The following FRMD3 variants were observed in gnomAD, a reference collection of about 807,000 sequenced individuals.
FRMD3 encodes the protein FERM domain containing 3.
A neutral mutation model predicts 70.2 loss-of-function variants in FRMD3; 33 were observed. That is an observed-to-expected ratio of 0.47 (90% confidence interval 0.36 to 0.63). The LOEUF (loss-of-function observed/expected upper bound fraction) is 0.63. Among genes scored for constraint, FRMD3 ranks in the 20% least tolerant of loss-of-function variants. FRMD3 has a pLI of 0.00. For missense variants in FRMD3, 632 were observed against 711.4 expected, an observed-to-expected ratio of 0.89 and a Z score of 1.27; for synonymous variants, 279 against 255.9, an observed-to-expected ratio of 1.09 and a Z score of -0.86.
chr9:83,385,074 T>C (rs1323312900), intron 2 of FRMD3, among the ~76,000 whole-genome samples: 1 of 151,990 alleles, frequency 6.6e-6, no homozygotes, highest in Non-Finnish European at 1.5e-5. Flanking sequence ...TCTAAAACCA[T>C]AGCTATGGAA....
At chr9:83,356,881 C>A (rs952702979) in intron 3 of FRMD3, among the ~76,000 whole-genome samples, 4 of 151,604 alleles carry the variant, frequency 2.6e-5, no homozygotes, top group African/African-American at 7.3e-5. Context: ...AGTCTGTTAT[C>A]CCTCACCACC....
At chr9:83,371,044 T>C (rs1209773817) in intron 3 of FRMD3, among the ~76,000 whole-genome samples, 1 of 152,252 alleles carries the variant, frequency 6.6e-6, no homozygotes, top group South Asian at 2.1e-4. Flanking sequence ...AGTATTGAAA[T>C]GCCTTCAAAG....
intron 6 of FRMD3, among the ~76,000 whole-genome samples, chr9:83,329,324 A>G (rs1014607464): frequency 6.6e-6 from 1 of 152,250 alleles, no homozygotes; most frequent in Non-Finnish European, 1.5e-5. Flanking sequence ...AAGGGAAATG[A>G]TACAGGGAGA....
intron 1 of FRMD3, among the ~76,000 whole-genome samples, chr9:83,516,107 T>C (rs1829449212): frequency 6.6e-6 from 1 of 152,124 alleles, no homozygotes; most frequent in South Asian, 2.1e-4. Context: ...AGGATCAAAT[T>C]CACACATAAC....
At chr9:83,401,165 G>A (rs533383157) in intron 1 of FRMD3, among the ~76,000 whole-genome samples, 5 of 152,266 alleles carry the variant, frequency 3.3e-5, no homozygotes, top group Admixed American at 1.3e-4. Flanking sequence ...AGCTAATTGC[G>A]TTCCCATTTT....
At chr9:83,471,655 A>T (rs1040040224) in intron 1 of FRMD3, among the ~76,000 whole-genome samples, 1 of 152,196 alleles carries the variant, frequency 6.6e-6, no homozygotes, top group African/African-American at 2.4e-5. Context: ...AATCATTGCA[A>T]ATTCACCTTG....
chr9:83,378,672 A>ATT (rs1825241743), intron 2 of FRMD3, among the ~76,000 whole-genome samples: 1 of 130,154 alleles, frequency 7.7e-6, no homozygotes, highest in South Asian at 2.2e-4. Context: ...TATAATTTAT[A>ATT]TTATATATAT....
the FRMD3 span, among the ~76,000 whole-genome samples, chr9:83,570,104 C>G: frequency 6.6e-6 from 1 of 152,172 alleles, no homozygotes; most frequent in African/African-American, 2.4e-5. Context: ...CTCCGCTTAC[C>G]TTCATTCACT....
At chr9:83,357,242 CATACATATATATAT>C (rs1251391460) in intron 3 of FRMD3, among the ~76,000 whole-genome samples, 369 of 13,248 alleles carry the variant, frequency 0.028, 23 homozygotes, top group Non-Finnish European at 0.033. Context: ...ATATATAATA[CATACATATATATAT>C]ATATATATAT....
chr9:83,485,804 A>G (rs973302185), intron 1 of FRMD3, among the ~76,000 whole-genome samples: 10 of 152,214 alleles, frequency 6.6e-5, no homozygotes, highest in Admixed American at 1.3e-4. Context: ...TCATTCACAT[A>G]CATATATGCA....
intron 6 of FRMD3, among the ~76,000 whole-genome samples, chr9:83,322,643 G>A (rs1031028720): frequency 6.6e-6 from 1 of 152,190 alleles, no homozygotes; most frequent in African/African-American, 2.4e-5. Flanking sequence ...TCTTTAGGCA[G>A]TTCCACATGT....
intron 1 of FRMD3, among the ~76,000 whole-genome samples, chr9:83,526,646 T>C (rs748427922): frequency 2.6e-5 from 4 of 152,202 alleles, no homozygotes; most frequent in Non-Finnish European, 5.9e-5. Context: ...CATCATTTCA[T>C]CCTCGCATCA....
At chr9:83,448,966 G>T (rs941088986) in intron 1 of FRMD3, among the ~76,000 whole-genome samples, 2 of 152,158 alleles carry the variant, frequency 1.3e-5, no homozygotes, top group Non-Finnish European at 2.9e-5. Context: ...GTAGCAAAAT[G>T]GGCCTTGGGG....
the FRMD3 span, among the ~76,000 whole-genome samples, chr9:83,557,100 A>T: frequency 6.6e-6 from 1 of 152,198 alleles, no homozygotes; most frequent in Non-Finnish European, 1.5e-5. Context: ...TATCAGATTC[A>T]TGAGACAGAC....
intron 2 of FRMD3, among the ~76,000 whole-genome samples, chr9:83,376,736 T>G (rs893615388): frequency 2.6e-5 from 4 of 151,824 alleles, no homozygotes; most frequent in African/African-American, 4.8e-5. Flanking sequence ...CCACCACACC[T>G]GGCTGTGCTA....
intron 1 of FRMD3, among the ~76,000 whole-genome samples, chr9:83,494,273 T>C (rs559552573): frequency 8.8e-4 from 134 of 152,344 alleles, no homozygotes; most frequent in African/African-American, 3.0e-3. Flanking sequence ...GTATAGTACT[T>C]TACAGTTACT....
intron 13 of FRMD3, among the ~76,000 whole-genome samples, chr9:83,279,726 C>T (rs1662889028): frequency 1.4e-5 from 2 of 145,856 alleles, no homozygotes; most frequent in Non-Finnish European, 3.0e-5. Flanking sequence ...AATGTTCTCA[C>T]TTGTAAGTGG....
At chr9:83,361,936 A>G (rs1824598537) in intron 3 of FRMD3, among the ~76,000 whole-genome samples, 1 of 152,164 alleles carries the variant, frequency 6.6e-6, no homozygotes, top group African/African-American at 2.4e-5. Context: ...CTTCGGAGGG[A>G]GCATGGCCCT....
chr9:83,245,066 C>T lies in FRMD3; in HGVS notation c.*2852G>A, dbSNP rs1832025771. ...ACCCTTTCAGGCTGTGGGTTTTACC[C>T]ACCATAGTATCTGAGAGGGAGAAGA... is the stretch of plus-strand genomic sequence containing the variant. On this transcript the variant is annotated 3_prime_UTR_variant, in exon 14 of 14. Coordinates refer to ENST00000304195, the MANE Select transcript of FRMD3 (RefSeq NM_174938.6). 2 of 985,194 alleles carry T rather than the reference C, an allele frequency of 2.0e-6. No homozygotes were observed. The highest frequency in any genetic ancestry group is 3.5e-5 in the African/African-American group (2 of 57,202). The allele number at this position is 985,194 out of a possible 1,614,324, so 61.0% of individuals were successfully genotyped here. A position where few individuals can be genotyped will look rare whatever the true frequency, so the allele number is the denominator to read the frequency against.
Sources: allele counts gnomAD v4.1 joint callset (sites outside exome capture counted in the v4.1 genomes callset), GRCh38; gene constraint gnomAD v4.1.1; transcripts MANE v1.5; gene names NCBI Gene and HGNC (gene_info 2026-07-23, HGNC 2026-07-21).